Variants in PCDHGB2 observed in about 807,000 individuals in gnomAD.
PCDHGB2 encodes the protein protocadherin gamma subfamily B, 2, also known as protocadherin gamma-B2.
PCDHGB2 carries 55 observed loss-of-function variants against 59.3 expected under a neutral mutation model. The observed-to-expected ratio is 0.93, with a 90% CI of 0.75 to 1.16. The LOEUF is 1.16. Among genes scored for constraint, PCDHGB2 ranks in the 50% most tolerant of loss-of-function variants. The pLI is 0.00. For synonymous variants in PCDHGB2, 516 were observed against 512.0 expected, an observed-to-expected ratio of 1.01 and a Z score of -0.11; for missense variants, 1,228 against 1,198.5, an observed-to-expected ratio of 1.02 and a Z score of -0.36.
At chr5:141,433,264 G>T in intron 1 of PCDHGB2, 1 of 1,314,872 alleles carries the variant, frequency 7.6e-7, no homozygotes, top group South Asian at 1.4e-5. Flanking sequence ...TACGATCATA[G>T]CTCACTGCAG....
At position 141,361,727 on chromosome 5, in the gene PCDHGB2, C is replaced by G; in HGVS notation, c.1592C>G (p.Thr531Arg). ...DHEQLRAFEL[T>R]LQARDQGSPA... Reference sequence around the variant, plus strand: ...GAGCAGCTGCGCGCCTTCGAGCTCACACTGCAGGCCCGCGACCAGGGCTCG... The same window carrying G: ...GAGCAGCTGCGCGCCTTCGAGCTCAGACTGCAGGCCCGCGACCAGGGCTCG... Residue 531 changes from threonine (T) to arginine (R), a missense_variant, in exon 1 of 4, where the codon ACA (threonine) becomes AGA (arginine). Transcript: ENST00000522605. 13 of 1,613,274 alleles carry G rather than the reference C, an allele frequency of 8.1e-6. No individual in the cohort carries two copies. Among genetic ancestry groups the G allele is most frequent in the Non-Finnish European group, 1.1e-5 (13 of 1,179,810 alleles).
chr5:141,494,100 G>A (rs559145191), intron 1 of PCDHGB2, among the ~76,000 whole-genome samples: 7 of 152,270 alleles, frequency 4.6e-5, no homozygotes, highest in South Asian at 2.1e-4. Flanking sequence ...ATTTTTCTCC[G>A]TCTCAGACAG....
chr5:141,372,721 C>A (rs1769002230), intron 1 of PCDHGB2: 1 of 1,613,832 alleles, frequency 6.2e-7, no homozygotes, highest in South Asian at 1.1e-5. Flanking sequence ...GAAAATGCTG[C>A]ACCACAAGAT....
At position 141,487,991 on chromosome 5, in the gene PCDHGB2, G is replaced by C. The variant is rs932744807; in HGVS notation, c.2422-6816G>C. ...GCTGTTTTCTCTACTCTTCCTGAAA[G>C]AGGGGATCAGATTCTGAAGTACCTT... On this transcript the variant is annotated intron_variant, in intron 1 of 3. Coordinates refer to ENST00000522605, the MANE Select transcript of PCDHGB2 (RefSeq NM_018923.3). The surrounding 1 kb of genome is among the most constrained non-coding windows in gnomAD (Gnocchi z 5.0). 2.6e-5 allele frequency among the ~76,000 whole-genome samples: 4 copies of C among 152,194 alleles called. No homozygotes were observed. The highest frequency in any genetic ancestry group is 4.4e-5 in the Non-Finnish European group (3 of 68,030).
chr5:141,400,231 G>T (rs572459159), intron 1 of PCDHGB2: 62 of 1,613,870 alleles, frequency 3.8e-5, no homozygotes, highest in Non-Finnish European at 5.1e-5. Flanking sequence ...CTTCCTCCTG[G>T]CCGTGATTCT....
At chr5:141,364,574 G>A (rs184408500) in intron 1 of PCDHGB2, 1 of 1,614,048 alleles carries the variant, frequency 6.2e-7, no homozygotes, top group African/African-American at 1.3e-5. Context: ...CCCGCGAAGC[G>A]GCAGCTTGGT....
At chr5:141,510,315 G>A (rs2099880567) in intron 3 of PCDHGB2, among the ~76,000 whole-genome samples, 1 of 151,324 alleles carries the variant, frequency 6.6e-6, no homozygotes, top group African/African-American at 2.4e-5. Flanking sequence ...TGGAGGCTTG[G>A]AAGAGCACTC....
At chr5:141,414,395 G>GAAAAGTCC (rs1226242642) in intron 1 of PCDHGB2, 1 of 1,613,924 alleles carries the variant, frequency 6.2e-7, no homozygotes, top group South Asian at 1.1e-5. Context: ...AGTTATTACA[G>GAAAAGTCC]ATTGGTGATA....
rs765751691 is a variant in PCDHGB2 at position 141,431,363 on chromosome 5, C to G, written c.2422-63444C>G. The G allele has an allele frequency of 6.2e-7, 1 of 1,614,024 alleles. No individual in the cohort carries two copies. The highest frequency in any genetic ancestry group is 2.2e-5 in the East Asian group (1 of 44,882). ...ATTGGTGCTGAAACGCGCCCTGGAC[C>G]GCGAAGAAAAGGCTGCTCACCACCT... is the stretch of plus-strand genomic sequence containing the variant. On this transcript the variant is annotated intron_variant, in intron 1 of 3. Transcript: ENST00000522605. This position sits in a 1 kb window ranked among gnomAD's most constrained non-coding sequence, Gnocchi z 4.8.
chr5:141,447,979 G>A (rs888759756), intron 1 of PCDHGB2, among the ~76,000 whole-genome samples: 15 of 151,814 alleles, frequency 9.9e-5, no homozygotes, highest in Admixed American at 5.9e-4. Context: ...CCAGCTACTC[G>A]GGAGGCTGAG....
At chr5:141,400,172 C>G in intron 1 of PCDHGB2, 1 of 1,614,082 alleles carries the variant, frequency 6.2e-7, no homozygotes, top group Non-Finnish European at 8.5e-7. Context: ...GACCCCCAGG[C>G]TGAGCTGCAG....
At chr5:141,450,006 C>CTATTTTTTTTT (rs70988802) in intron 1 of PCDHGB2, among the ~76,000 whole-genome samples, 2 of 132,964 alleles carry the variant, frequency 1.5e-5, no homozygotes, top group African/African-American at 2.8e-5. Flanking sequence ...TGCCATGTCT[C>CTATTTTTTTTT]TTTTTTTTTT....
chr5:141,386,746 C>A (rs2090695980), intron 1 of PCDHGB2, among the ~76,000 whole-genome samples: 1 of 152,144 alleles, frequency 6.6e-6, no homozygotes, highest in Non-Finnish European at 1.5e-5. Context: ...GATCCTATGG[C>A]AGAACTACGG....
intron 1 of PCDHGB2, among the ~76,000 whole-genome samples, chr5:141,438,615 T>C (rs566173071): frequency 5.6e-5 from 2 of 35,920 alleles, no homozygotes; most frequent in Admixed American, 4.1e-4. Flanking sequence ...TATATATATA[T>C]ATATATATAT....
chr5:141,408,300 T>C lies in PCDHGB2; in HGVS notation c.2421+45744T>C. On this transcript the variant is annotated intron_variant, in intron 1 of 3. Coordinates refer to ENST00000522605, the MANE Select transcript of PCDHGB2 (RefSeq NM_018923.3). ...TTCTACCCCACCCTGAGTGAGCCGATCCGCTACTCGATTCCGGAGGAGCTG... is the reference window on the plus strand; with the variant it reads ...TTCTACCCCACCCTGAGTGAGCCGACCCGCTACTCGATTCCGGAGGAGCTG... The C allele has an allele frequency of 1.2e-6, 2 of 1,613,732 alleles. No homozygotes were observed. The highest frequency in any genetic ancestry group is 1.7e-6 in the Non-Finnish European group (2 of 1,179,694).
At chr5:141,438,630 A>ATG (rs2098034686) in intron 1 of PCDHGB2, among the ~76,000 whole-genome samples, 1 of 38,920 alleles carries the variant, frequency 2.6e-5, no homozygotes, top group Non-Finnish European at 4.2e-5. Flanking sequence ...ATATATATAT[A>ATG]TATATACACA....
At chr5:141,419,757 G>C in intron 1 of PCDHGB2, 1 of 1,613,994 alleles carries the variant, frequency 6.2e-7, no homozygotes, top group Non-Finnish European at 8.5e-7. Flanking sequence ...CGTGCTTTGG[G>C]TGACAAGGAC....
intron 1 of PCDHGB2, chr5:141,421,959 A>G (rs2096614103): frequency 1.9e-6 from 3 of 1,612,798 alleles, no homozygotes; most frequent in East Asian, 2.2e-5. Flanking sequence ...CAATGTTTAC[A>G]CAGTCCGTAT....
At chr5:141,390,506 T>A in intron 1 of PCDHGB2, 1 of 598,006 alleles carries the variant, frequency 1.7e-6, no homozygotes, top group Non-Finnish European at 2.9e-6. Context: ...CAAGCTTAGA[T>A]TTATAAAGCA....
Sources: gnomAD v4.1 joint callset for allele counts (sites outside exome capture counted in the v4.1 genomes callset) on GRCh38, gnomAD v4.1.1 for gene constraint, Gnocchi (gnomAD v3.1) non-coding constraint, MANE v1.5 for transcripts, NCBI Gene and HGNC (gene_info 2026-07-23, HGNC 2026-07-21) for gene names.